DACH1: variants seen among roughly 807,000 people sequenced by gnomAD.
DACH1 encodes the protein dachshund family transcription factor 1.
In DACH1, 12 loss-of-function variants were observed where a neutral mutation model predicts 54.2. The observed-to-expected ratio is 0.22, with a 90% CI of 0.14 to 0.36. The LOEUF is 0.36. Among genes scored for constraint, DACH1 ranks in the 10% least tolerant of loss-of-function variants. The pLI, the probability that DACH1 is intolerant of heterozygous loss-of-function variation, is 1.00. For missense variants in DACH1, 805 were observed against 929.8 expected (o/e 0.87, Z 1.75); for synonymous variants, 386 against 366.2 (o/e 1.05, Z -0.62).
At chr13:71,679,099 T>C (rs763829580) in intron 2 of DACH1, among the ~76,000 whole-genome samples, 7 of 152,180 alleles carry the variant, frequency 4.6e-5, no homozygotes, top group South Asian at 2.1e-4. Flanking sequence ...TCAAAACATA[T>C]AGGAAAGAAC....
At chr13:71,524,815 G>A (rs991842797) in intron 6 of DACH1, among the ~76,000 whole-genome samples, 1 of 151,986 alleles carries the variant, frequency 6.6e-6, no homozygotes, top group Non-Finnish European at 1.5e-5. Flanking sequence ...CCTATATTTA[G>A]AGATTAAATC....
At chr13:71,519,548 A>G (rs1881416720) in intron 6 of DACH1, among the ~76,000 whole-genome samples, 1 of 151,612 alleles carries the variant, frequency 6.6e-6, no homozygotes, top group African/African-American at 2.4e-5. Flanking sequence ...TAATAGAGCT[A>G]ATAAATGTCA....
chr13:71,787,893 T>C (rs2138084612), intron 1 of DACH1, among the ~76,000 whole-genome samples: 1 of 152,316 alleles, frequency 6.6e-6, no homozygotes, highest in African/African-American at 2.4e-5. Flanking sequence ...GAGGCTCATG[T>C]CAATAAACAA....
intron 4 of DACH1, among the ~76,000 whole-genome samples, chr13:71,567,746 C>T (rs916139919): frequency 9.2e-5 from 14 of 151,872 alleles, no homozygotes; most frequent in African/African-American, 3.1e-4. Context: ...GTGATAAAGT[C>T]GAAATGCAAA....
At chr13:71,532,962 A>C (rs1028236638) in intron 6 of DACH1, among the ~76,000 whole-genome samples, 1 of 151,942 alleles carries the variant, frequency 6.6e-6, no homozygotes, top group African/African-American at 2.4e-5. Context: ...GAGAAAAGTT[A>C]ATCACAATTG....
In DACH1 at chr13:71,461,295, C is replaced by G. The variant is rs189448000; in HGVS notation, c.2083+13846G>C. On this transcript the variant is annotated intron_variant, in intron 10 of 10. Coordinates refer to ENST00000613252, the MANE Select transcript of DACH1 (RefSeq NM_080759.6). ...TCAAAATATTATCTCAAAAGTAAGT[C>G]TGAATTCAAAGCAGTTAGGAGAAGT... Among the ~76,000 whole-genome samples the G allele has an allele frequency of 1.5e-3, 226 of 152,104 alleles. 2 individuals are homozygous for G. Among genetic ancestry groups the G allele is most frequent in the Non-Finnish European group, 2.8e-3 (188 of 67,942 alleles).
intron 3 of DACH1, among the ~76,000 whole-genome samples, chr13:71,608,663 A>G (rs1875071163): frequency 6.6e-6 from 1 of 152,106 alleles, no homozygotes; most frequent in Admixed American, 6.6e-5. Flanking sequence ...GTTCACTTAT[A>G]ATTAATCCTA....
At chr13:71,835,428 A>G (rs989473112) in intron 1 of DACH1, among the ~76,000 whole-genome samples, 2 of 152,108 alleles carry the variant, frequency 1.3e-5, no homozygotes, top group African/African-American at 4.8e-5. Context: ...TAAAATGAAA[A>G]TAAAACAACA....
At chr13:71,503,980 G>A (rs746938691) in intron 6 of DACH1, among the ~76,000 whole-genome samples, 40 of 152,218 alleles carry the variant, frequency 2.6e-4, no homozygotes, top group Non-Finnish European at 4.3e-4. Flanking sequence ...TTCCCTTGGC[G>A]AGAAGGGGAT....
intron 10 of DACH1, among the ~76,000 whole-genome samples, chr13:71,449,712 AT>A (rs1566265840): frequency 1.3e-5 from 2 of 152,182 alleles, no homozygotes; most frequent in Non-Finnish European, 1.5e-5. Context: ...ATCATTAAAA[AT>A]TTTTTTAAAA....
At chr13:71,485,883 CTT>C (rs1878461678) in intron 7 of DACH1, among the ~76,000 whole-genome samples, 2 of 151,754 alleles carry the variant, frequency 1.3e-5, no homozygotes, top group African/African-American at 4.8e-5. Flanking sequence ...ACCTGGCTAA[CTT>C]TTAATTTCTA....
At chr13:71,596,374 C>T (rs1185841676) in intron 3 of DACH1, among the ~76,000 whole-genome samples, 1 of 152,088 alleles carries the variant, frequency 6.6e-6, no homozygotes, top group Admixed American at 6.6e-5. Flanking sequence ...CCTCAAAGCG[C>T]TAATAGCCTA....
intron 10 of DACH1, among the ~76,000 whole-genome samples, chr13:71,451,125 A>G (rs1223890418): frequency 6.6e-6 from 1 of 152,196 alleles, no homozygotes; most frequent in African/African-American, 2.4e-5. Context: ...TATATGATTA[A>G]TGTTAAGAAA....
At position 71,843,741 on chromosome 13, in the gene DACH1, T is replaced by C. The variant is rs1275879490; in HGVS notation, c.848+22181A>G. Reference sequence around the variant, plus strand: ...GGCTGAAAGTTCCCTTCAAATATATTATATACCAAGCCCCAAGTGCAACAC... The same window carrying C: ...GGCTGAAAGTTCCCTTCAAATATATCATATACCAAGCCCCAAGTGCAACAC... On this transcript the variant is annotated intron_variant, in intron 1 of 10. Coordinates refer to ENST00000613252, the MANE Select transcript of DACH1 (RefSeq NM_080759.6). Among the ~76,000 whole-genome samples, 4 of 152,216 alleles carry C rather than the reference T, an allele frequency of 2.6e-5. No homozygotes were observed. In the East Asian group the frequency reaches 7.7e-4, roughly 29 times the overall value.
At chr13:71,865,608 C>A (rs1204912386) in intron 1 of DACH1, among the ~76,000 whole-genome samples, 1 of 152,124 alleles carries the variant, frequency 6.6e-6, no homozygotes, top group Non-Finnish European at 1.5e-5. Flanking sequence ...CCAGCAAAGG[C>A]GCCGTCCTCC....
rs35363444 is a variant in DACH1 at position 71,479,247 on chromosome 13, G to A, written c.1792C>T (p.Leu598=). 1,103 of 1,613,602 alleles carry A rather than the reference G, an allele frequency of 6.8e-4. 7 individuals carry two copies. The African/African-American group carries it at 0.012, about 18-fold the overall frequency. The change falls in exon 8 of 11, where the codon CTG becomes TTG. Residue 598 remains leucine (L), a synonymous_variant. Coordinates refer to ENST00000613252, the MANE Select transcript of DACH1 (RefSeq NM_080759.6). ...CTTTCCCTTAAAAAATCCATCTTCA[G>A]CTCAGTTTTTTCCAGTTGGACCTGT... ...EKQVQLEKTE[L]KMDFLREREL... is the part of the protein sequence containing the mutation.
chr13:71,438,689 T>C lies in DACH1; in HGVS notation c.*1966A>G, dbSNP rs1344290200. ...GCTTTTTTAAAAATCTTTCAAAAAA[T>C]GTATGATGCAAAAAGCTTGACACAA... On this transcript the variant is annotated 3_prime_UTR_variant, in exon 11 of 11. Coordinates refer to ENST00000613252, the MANE Select transcript of DACH1 (RefSeq NM_080759.6). 6.6e-6 allele frequency: 1 copy of C among 152,522 alleles called. No homozygotes were observed. The highest frequency in any genetic ancestry group is 2.1e-4 in the South Asian group (1 of 4,828). 9.4% of individuals were successfully genotyped at this position (152,522 alleles called of 1,614,324 possible).
At chr13:71,664,891 C>T (rs558979757) in intron 2 of DACH1, among the ~76,000 whole-genome samples, 1 of 151,958 alleles carries the variant, frequency 6.6e-6, no homozygotes, top group Non-Finnish European at 1.5e-5. Context: ...ACCATAATTT[C>T]TGGAGCCAAA....
At chr13:71,811,368 T>A (rs952366327) in intron 1 of DACH1, among the ~76,000 whole-genome samples, 48 of 152,174 alleles carry the variant, frequency 3.2e-4, no homozygotes, top group African/African-American at 1.1e-3. Context: ...TAAATATTTT[T>A]AAAATAGATT....
Sources: allele counts gnomAD v4.1 joint callset (sites outside exome capture counted in the v4.1 genomes callset), GRCh38; gene constraint gnomAD v4.1.1; transcripts MANE v1.5; gene names NCBI Gene and HGNC (gene_info 2026-07-23, HGNC 2026-07-21).